Variants in ABCA8 observed in about 807,000 individuals in gnomAD.
The protein encoded by ABCA8 is ABC-type organic anion transporter ABCA8.
In ABCA8, 177 loss-of-function variants were observed where a neutral mutation model predicts 192.3. The observed-to-expected ratio is 0.92, with a 90% CI of 0.81 to 1.04. The LOEUF is 1.04. Among genes scored for constraint, ABCA8 ranks in the 50% least tolerant of loss-of-function variants. The pLI, the probability that ABCA8 is intolerant of heterozygous loss-of-function variation, is 0.00. For missense variants in ABCA8, 1,915 were observed against 1,904.8 expected (o/e 1.01, Z -0.10); for synonymous variants, 642 against 690.2 (o/e 0.93, Z 1.09).
chr17:68,874,297 CCTT>C (rs1175090136), intron 37 of ABCA8, among the ~76,000 whole-genome samples: 1 of 152,198 alleles, frequency 6.6e-6, no homozygotes, highest in Non-Finnish European at 1.5e-5. Context: ...ACATATCTCT[CCTT>C]CTCCTCCATC....
chr17:68,937,191 T>A, intron 4 of ABCA8, 76 bp from the exon 5 acceptor site: 1 of 1,246,570 alleles, frequency 8.0e-7, no homozygotes, highest in Non-Finnish European at 1.1e-6. Context: ...GTTGAATTGC[T>A]TTTACTAGAG....
intron 13 of ABCA8, 75 bp downstream of exon 13, chr17:68,921,307 A>G: frequency 1.0e-6 from 1 of 980,488 alleles, no homozygotes. Flanking sequence ...ATATGTAACT[A>G]ACCTGCACGT....
At chr17:68,936,010 ACAACT>A (rs2068056103) in intron 5 of ABCA8, among the ~76,000 whole-genome samples, 1 of 152,136 alleles carries the variant, frequency 6.6e-6, no homozygotes, top group Non-Finnish European at 1.5e-5. Context: ...AAGAATTCAA[ACAACT>A]CAAATAACTG....
At chr17:68,904,569 T>C (rs890119638) in intron 19 of ABCA8, among the ~76,000 whole-genome samples, 7 of 151,918 alleles carry the variant, frequency 4.6e-5, no homozygotes, top group Admixed American at 6.6e-5. Context: ...CCACCATAGG[T>C]AGGTGAAAAG....
intron 29 of ABCA8, among the ~76,000 whole-genome samples, 189 bp downstream of exon 29, chr17:68,883,602 G>A (rs1187855528): frequency 1.3e-5 from 2 of 152,118 alleles, no homozygotes; most frequent in African/African-American, 2.4e-5. Flanking sequence ...TTTCAGGTCC[G>A]TTTCTTCCAC....
At chr17:68,922,825 C>T (rs1224822445) in intron 11 of ABCA8, among the ~76,000 whole-genome samples, 16 of 152,200 alleles carry the variant, frequency 1.1e-4, no homozygotes, top group Non-Finnish European at 1.5e-5. Context: ...TATCCCATTA[C>T]AACCACTTAG....
intron 5 of ABCA8, among the ~76,000 whole-genome samples, chr17:68,936,191 G>A (rs543870059): frequency 1.1e-4 from 17 of 151,754 alleles, no homozygotes; most frequent in Admixed American, 5.2e-4. Context: ...ATTAAGTCTC[G>A]TTTTTCTATT....
chr17:68,921,339 T>TTAAAGTATAAC (rs1209532434), intron 13 of ABCA8, 43 bp downstream of exon 13: 1 of 1,441,890 alleles, frequency 6.9e-7, no homozygotes, highest in African/African-American at 1.4e-5. Context: ...ACCCTAAAAC[T>TTAAAGTATAAC]TAAAGTATAA....
rs772729434 is a variant in ABCA8 at position 68,918,178 on chromosome 17, A to G, written c.1916T>C (p.Leu639Pro). Residue 639 changes from leucine to proline, a missense_variant, in exon 16 of 40, where the codon CTG (leucine) becomes CCG (proline). Transcript: ENST00000586539. Reference sequence around the variant, plus strand: ...CAATCCAGCAGTTGGTTCATCCAACAGGAAAATCTATAAACGAGGAAAGTA... The same window carrying G: ...CAATCCAGCAGTTGGTTCATCCAACGGGAAAATCTATAAACGAGGAAAGTA... The part of the protein sequence containing the change: ...IAILGDPQIF[L>P]LDEPTAGLDP... 2.5e-6 allele frequency: 4 copies of G among 1,614,166 alleles called. No homozygotes were observed. Among genetic ancestry groups the G allele is most frequent in the South Asian group, 2.2e-5 (2 of 91,068 alleles).
intron 7 of ABCA8, among the ~76,000 whole-genome samples, chr17:68,930,796 G>A (rs979751664): frequency 3.3e-5 from 5 of 152,218 alleles, no homozygotes; most frequent in Non-Finnish European, 5.9e-5. Context: ...CAATATTGAT[G>A]TATAAGATGT....
Position 68,932,290 on chromosome 17 carries a change from G to T in ABCA8, c.795C>A (p.Phe265Leu). Reference sequence around the variant, plus strand: ...TATTTGTGCTGCGTTTGACTCACCAGAACGCTGAATCCCGAAGACCCATCA... The same window carrying T: ...TATTTGTGCTGCGTTTGACTCACCATAACGCTGAATCCCGAAGACCCATCA... ...MTMMGLRDSAFWLSWGLLYAG... is the reference protein window; with the variant it reads ...MTMMGLRDSALWLSWGLLYAG... The change falls in exon 7 of 40, where the codon TTC (phenylalanine) becomes TTA (leucine). Residue 265 changes from phenylalanine to leucine, a missense_variant and splice_region_variant. Transcript: ENST00000586539. The T allele has an allele frequency of 6.2e-7, 1 of 1,609,000 alleles. No homozygotes were observed. Among genetic ancestry groups the T allele is most frequent in the South Asian group, 1.1e-5 (1 of 90,924 alleles).
At chr17:68,919,161 T>C in intron 14 of ABCA8, 140 bp downstream of exon 14, 3 of 732,140 alleles carry the variant, frequency 4.1e-6, no homozygotes, top group Non-Finnish European at 6.5e-6. Flanking sequence ...TATGCAATGT[T>C]AGCTATTGTT....
chr17:68,903,241 T>G (rs2066960738), intron 20 of ABCA8, 60 bp downstream of exon 20: 2 of 1,576,282 alleles, frequency 1.3e-6, no homozygotes, highest in Admixed American at 1.7e-5. Context: ...CTTTATACCT[T>G]AGATTTGCTT....
At chr17:68,937,458 T>C (rs565250473) in intron 4 of ABCA8, among the ~76,000 whole-genome samples, 7 of 152,298 alleles carry the variant, frequency 4.6e-5, no homozygotes, top group African/African-American at 1.4e-4. Flanking sequence ...GAGATAGATA[T>C]TTAAATTGCA....
In ABCA8 at chr17:68,882,709, T is replaced by C. The variant is rs1352181696; in HGVS notation, c.3718A>G (p.Arg1240Gly). The change falls in exon 30 of 40, where the codon AGA (arginine) becomes GGA (glycine). Residue 1240 changes from arginine (R) to glycine (G), a missense_variant. Transcript: ENST00000586539. Reference sequence around the variant, plus strand: ...GGATTTTGACACACATCACTACTTCTTGGAGAAATTCTAGAGTCAAAACCA... The same window carrying C: ...GGATTTTGACACACATCACTACTTCCTGGAGAAATTCTAGAGTCAAAACCA... ...RKDPFFRISP[R>G]SSDVCQNPEE... is the part of the protein sequence containing the mutation. 1.9e-6 allele frequency: 3 copies of C among 1,611,186 alleles called. No individual in the cohort carries two copies. Among genetic ancestry groups the C allele is most frequent in the African/African-American group, 1.3e-5 (1 of 74,952 alleles).
intron 4 of ABCA8, among the ~76,000 whole-genome samples, chr17:68,938,144 A>G (rs536428205): frequency 1.4e-4 from 22 of 152,286 alleles, no homozygotes; most frequent in African/African-American, 5.3e-4. Context: ...ATAATCTTGA[A>G]TCAGAAGTGG....
rs141618312 is a variant in ABCA8, at chr17:68,868,299, A to T, written c.4767+2T>A. The stretch of plus-strand genomic sequence containing the variant: ...TGATACGAATCCCTAAAAATGACCC[A>T]CCTGCTCCAGGGTAGACTGTGAGAG... On this transcript the variant is annotated splice_donor_variant, in intron 39 of 39. Coordinates refer to ENST00000586539, the MANE Select transcript of ABCA8 (RefSeq NM_001288985.2). LOFTEE classifies it high-confidence loss of function. 46 of 1,613,562 alleles carry T rather than the reference A, an allele frequency of 2.9e-5. No homozygotes were observed. In the African/African-American group the frequency reaches 5.1e-4, roughly 18 times the overall value.
rs1189472204 is a variant in ABCA8, at chr17:68,918,075, C to T, written c.2019G>A (p.Gln673=). The part of the protein sequence containing the change: ...KTDRVILFST[Q]FMDEADILAD... The stretch of plus-strand genomic sequence containing the variant: ...CCAGGATGTCGGCCTCATCCATGAA[C>T]TGGGTACTGAAGAGGATCACGCGGT... The change falls in exon 16 of 40, where the codon CAG becomes CAA. Residue 673 remains glutamine (Q), a synonymous_variant. Coordinates refer to ENST00000586539, the MANE Select transcript of ABCA8 (RefSeq NM_001288985.2). The T allele has an allele frequency of 1.9e-6, 3 of 1,614,150 alleles. No homozygotes were observed. Among genetic ancestry groups the T allele is most frequent in the Non-Finnish European group, 2.5e-6 (3 of 1,180,022 alleles).
At chr17:68,934,477 G>T (rs1362887937) in intron 5 of ABCA8, among the ~76,000 whole-genome samples, 1 of 152,218 alleles carries the variant, frequency 6.6e-6, no homozygotes, top group Non-Finnish European at 1.5e-5. Context: ...GTGTTTGGTA[G>T]GAGGGTTGAG....
Sources: allele counts gnomAD v4.1 joint callset (sites outside exome capture counted in the v4.1 genomes callset), GRCh38; gene constraint gnomAD v4.1.1; transcripts MANE v1.5; gene names NCBI Gene and HGNC (gene_info 2026-07-23, HGNC 2026-07-21).